LOC128092253: variants seen among roughly 807,000 people sequenced by gnomAD.
chr6:133,977,009 G>C, the LOC128092253 span, among the ~76,000 whole-genome samples: 1 of 151,502 alleles, frequency 6.6e-6, no homozygotes, highest in Non-Finnish European at 1.5e-5. Flanking sequence ...AGATTTGTCT[G>C]TTTCGTTGGA....
the LOC128092253 span, among the ~76,000 whole-genome samples, chr6:133,954,133 G>T: frequency 6.6e-6 from 1 of 152,212 alleles, no homozygotes; most frequent in Non-Finnish European, 1.5e-5. Context: ...GCCGAGATGT[G>T]CATCTGCAGG....
the LOC128092253 span, among the ~76,000 whole-genome samples, chr6:133,970,500 A>C: frequency 3.5e-4 from 53 of 152,168 alleles, no homozygotes; most frequent in Non-Finnish European, 6.9e-4. Context: ...TAAAGTCCTA[A>C]TCTTAAACAG....
At chr6:133,957,563 A>G in the LOC128092253 span, among the ~76,000 whole-genome samples, 1 of 152,224 alleles carries the variant, frequency 6.6e-6, no homozygotes, top group Admixed American at 6.5e-5. Context: ...ATAAATTACA[A>G]GTATTTTCAC....
At chr6:133,965,412 T>A in the LOC128092253 span, among the ~76,000 whole-genome samples, 2 of 152,206 alleles carry the variant, frequency 1.3e-5, no homozygotes, top group Non-Finnish European at 2.9e-5. Context: ...CTAATTTTCC[T>A]GCTTTTTTGC....
At chr6:133,977,388 G>T in the LOC128092253 span, among the ~76,000 whole-genome samples, 1 of 151,914 alleles carries the variant, frequency 6.6e-6, no homozygotes, top group African/African-American at 2.4e-5. Flanking sequence ...GAATTTCAAG[G>T]CTTCTTTTTT....
chr6:133,979,142 C>T, the LOC128092253 span, among the ~76,000 whole-genome samples: 56 of 152,156 alleles, frequency 3.7e-4, no homozygotes, highest in Non-Finnish European at 1.6e-4. Flanking sequence ...TAGAGCTCCT[C>T]CTGTACACCC....
At chr6:133,979,200 T>G in the LOC128092253 span, among the ~76,000 whole-genome samples, 5 of 152,234 alleles carry the variant, frequency 3.3e-5, no homozygotes, top group Admixed American at 3.3e-4. Flanking sequence ...TAATCATTTT[T>G]TTCCCTCCAT....
the LOC128092253 span, among the ~76,000 whole-genome samples, chr6:133,978,557 C>T: frequency 6.6e-6 from 1 of 152,190 alleles, no homozygotes. Context: ...CCCTGCCTCA[C>T]TCCTCATACG....
At chr6:133,959,838 G>C in the LOC128092253 span, among the ~76,000 whole-genome samples, 2 of 152,290 alleles carry the variant, frequency 1.3e-5, no homozygotes, top group South Asian at 4.1e-4. Flanking sequence ...CTGTCTTTCA[G>C]ATATGAACAT....
chr6:133,961,721 C>T, the LOC128092253 span, among the ~76,000 whole-genome samples: 5 of 152,086 alleles, frequency 3.3e-5, no homozygotes, highest in Admixed American at 6.5e-5. Context: ...GCCTTGGCCT[C>T]CCAAAGTGCT....
At chr6:133,965,301 G>A in the LOC128092253 span, among the ~76,000 whole-genome samples, 1 of 152,194 alleles carries the variant, frequency 6.6e-6, no homozygotes, top group South Asian at 2.1e-4. Context: ...GGAAGTAGGG[G>A]CACATATAAG....
chr6:133,978,233 T>C, the LOC128092253 span, among the ~76,000 whole-genome samples: 1 of 152,238 alleles, frequency 6.6e-6, no homozygotes, highest in East Asian at 1.9e-4. Context: ...TAAGAAATCC[T>C]CTGCCTGTTG....
At chr6:133,974,412 C>T in the LOC128092253 span, among the ~76,000 whole-genome samples, 1 of 152,218 alleles carries the variant, frequency 6.6e-6, no homozygotes, top group Non-Finnish European at 1.5e-5. Context: ...CAGCTCACTG[C>T]AACCTCCGCC....
the LOC128092253 span, among the ~76,000 whole-genome samples, chr6:133,954,629 A>G: frequency 6.6e-6 from 1 of 152,246 alleles, no homozygotes. Context: ...GGCCACATAT[A>G]CATACAAAGT....
the LOC128092253 span, among the ~76,000 whole-genome samples, chr6:133,975,093 A>G: frequency 6.6e-6 from 1 of 152,190 alleles, no homozygotes; most frequent in Admixed American, 6.5e-5. Flanking sequence ...GGAAGGAAAC[A>G]ATGGACATGG....
At chr6:133,974,315 CTTA>C in the LOC128092253 span, among the ~76,000 whole-genome samples, 846 of 152,252 alleles carry the variant, frequency 5.6e-3, 29 homozygotes, top group Admixed American at 0.048. Flanking sequence ...CATATATCAT[CTTA>C]TTATACTTTG....
the LOC128092253 span, among the ~76,000 whole-genome samples, chr6:133,961,291 A>G: frequency 6.6e-6 from 1 of 152,140 alleles, no homozygotes; most frequent in Non-Finnish European, 1.5e-5. Flanking sequence ...AAAGACACAC[A>G]TTTAAATTAA....
At chr6:133,970,912 G>C in the LOC128092253 span, among the ~76,000 whole-genome samples, 5 of 152,144 alleles carry the variant, frequency 3.3e-5, no homozygotes, top group African/African-American at 1.2e-4. Context: ...TAGGGCATCT[G>C]TCACCTCATG....
chr6:133,963,974 G>C, the LOC128092253 span, among the ~76,000 whole-genome samples: 1 of 152,108 alleles, frequency 6.6e-6, no homozygotes, highest in Admixed American at 6.5e-5. Context: ...CTGGGAGGCG[G>C]AGGTTGCAAT....
Sources: allele counts gnomAD v4.1 joint callset (sites outside exome capture counted in the v4.1 genomes callset), GRCh38; gene constraint gnomAD v4.1.1; transcripts MANE v1.5.